The following CACNA1C variants were observed in gnomAD, a reference collection of about 807,000 sequenced individuals.
CACNA1C encodes the protein voltage-dependent L-type calcium channel subunit alpha-1C.
A neutral mutation model predicts 229.0 loss-of-function variants in CACNA1C; 30 were observed. The ratio of observed to expected loss-of-function variants is 0.13; its 90% CI spans 0.10 to 0.18. CACNA1C has a LOEUF of 0.18. Among genes scored for constraint, CACNA1C ranks in the 10% least tolerant of loss-of-function variants. The pLI is 1.00. For synonymous variants in CACNA1C, 1,114 were observed against 1,132.5 expected, an observed-to-expected ratio of 0.98 and a Z score of 0.33; for missense variants, 1,658 against 2,845.0, an observed-to-expected ratio of 0.58 and a Z score of 9.49.
chr12:2,275,350 A>G lies in CACNA1C; in HGVS notation c.477+154920A>G, dbSNP rs1361899450. Among the ~76,000 whole-genome samples the G allele has an allele frequency of 6.6e-6, 1 of 152,058 alleles. No individual in the cohort carries two copies. Among genetic ancestry groups the G allele is most frequent in the African/African-American group, 2.4e-5 (1 of 41,416 alleles). On this transcript the variant is annotated intron_variant, in intron 3 of 46. Coordinates refer to ENST00000399655, the MANE Select transcript of CACNA1C (RefSeq NM_000719.7). The surrounding 1 kb of genome is among the most constrained non-coding windows in gnomAD (Gnocchi z 4.1). ...TGTCTGTGGACCCCGACTCCTCACC[A>G]TCACCCAACAGGGGACAGTCCTGCT... is the stretch of plus-strand genomic sequence containing the variant.
intron 3 of CACNA1C, among the ~76,000 whole-genome samples, chr12:2,174,347 A>G (rs2096583812): frequency 6.6e-6 from 1 of 152,168 alleles, no homozygotes; most frequent in Admixed American, 6.5e-5. Context: ...ACCAGAATTG[A>G]TGGGGTGCTC....
chr12:2,163,011 C>T (rs957544225), intron 3 of CACNA1C, among the ~76,000 whole-genome samples: 4 of 151,958 alleles, frequency 2.6e-5, no homozygotes, highest in Non-Finnish European at 4.4e-5. Flanking sequence ...CCAGCCTGAC[C>T]AATATGGAGA....
At chr12:2,070,167 G>A (rs1238020277) in intron 1 of CACNA1C, among the ~76,000 whole-genome samples, 2 of 152,166 alleles carry the variant, frequency 1.3e-5, no homozygotes, top group Non-Finnish European at 2.9e-5. Context: ...CGAGCGGGAA[G>A]AGTATAAAAG....
At chr12:2,337,033 C>T (rs1328815363) in intron 3 of CACNA1C, among the ~76,000 whole-genome samples, 1 of 152,170 alleles carries the variant, frequency 6.6e-6, no homozygotes, top group African/African-American at 2.4e-5. Context: ...TCCAAACAAC[C>T]AATGCATATG....
intron 28 of CACNA1C, 123 bp from the exon 29 acceptor site, chr12:2,611,780 T>A (rs2077924752): frequency 4.8e-6 from 3 of 628,950 alleles, no homozygotes; most frequent in Admixed American, 5.0e-5. Flanking sequence ...GGCGGCCCTC[T>A]GGGGGTTTGG....
intron 3 of CACNA1C, among the ~76,000 whole-genome samples, chr12:2,204,967 AAAAC>A (rs1168989808): frequency 6.6e-6 from 1 of 151,950 alleles, no homozygotes; most frequent in East Asian, 1.9e-4. Context: ...AAAAAAAACA[AAAAC>A]AAAAAAAAAA....
chr12:2,193,428 C>T (rs2097302551), intron 3 of CACNA1C, among the ~76,000 whole-genome samples: 2 of 152,042 alleles, frequency 1.3e-5, no homozygotes, highest in Admixed American at 6.6e-5. Context: ...GAACTCCAGC[C>T]TGGGCAATCG....
chr12:2,471,342 G>A (rs1387738914), intron 5 of CACNA1C, among the ~76,000 whole-genome samples: 1 of 151,962 alleles, frequency 6.6e-6, no homozygotes, highest in Non-Finnish European at 1.5e-5. Context: ...TTAGTCAATT[G>A]TCTTTTAAGT....
chr12:2,551,392 C>G (rs572283623), intron 10 of CACNA1C, among the ~76,000 whole-genome samples: 1 of 152,264 alleles, frequency 6.6e-6, no homozygotes, highest in East Asian at 1.9e-4. Flanking sequence ...AGCACATGCT[C>G]TGCAGCCTGG....
intron 3 of CACNA1C, among the ~76,000 whole-genome samples, chr12:2,246,578 T>A (rs148239813): frequency 6.6e-6 from 1 of 152,086 alleles, no homozygotes; most frequent in Non-Finnish European, 1.5e-5. Flanking sequence ...ACCGTTGTTG[T>A]CCCCTTTGTA....
intron 1 of CACNA1C, among the ~76,000 whole-genome samples, chr12:2,039,418 A>G (rs763764884): frequency 6.6e-6 from 1 of 152,200 alleles, no homozygotes; most frequent in Non-Finnish European, 1.5e-5. Flanking sequence ...CACCATTAGC[A>G]ATATATTTTT....
At chr12:2,135,664 T>C (rs1185481348) in intron 3 of CACNA1C, among the ~76,000 whole-genome samples, 1 of 143,744 alleles carries the variant, frequency 7.0e-6, no homozygotes, top group African/African-American at 2.8e-5. Context: ...GTCTGCCCGT[T>C]CTCAGATCTC....
intron 3 of CACNA1C, among the ~76,000 whole-genome samples, chr12:2,252,029 G>A (rs909147040): frequency 6.6e-6 from 1 of 152,246 alleles, no homozygotes; most frequent in Non-Finnish European, 1.5e-5. Context: ...CATGGTGGAT[G>A]GAGTTTGTTT....
chr12:2,043,810 T>TC (rs2050601951), intron 1 of CACNA1C, among the ~76,000 whole-genome samples: 2 of 117,584 alleles, frequency 1.7e-5, no homozygotes, highest in Non-Finnish European at 3.7e-5. Context: ...CGCCCGCCAT[T>TC]GCGCCCGGCT....
intron 3 of CACNA1C, among the ~76,000 whole-genome samples, chr12:2,298,439 C>T (rs1324214615): frequency 6.6e-6 from 1 of 152,160 alleles, no homozygotes; most frequent in African/African-American, 2.4e-5. Context: ...GCTGGGATTA[C>T]AGGCACGCAC....
intron 3 of CACNA1C, among the ~76,000 whole-genome samples, chr12:2,439,392 C>G (rs2099193038): frequency 6.6e-6 from 1 of 152,230 alleles, no homozygotes. Flanking sequence ...AAGGAGGCCA[C>G]TGGGGTGTGC....
chr12:2,448,906 C>G, intron 3 of CACNA1C, 70 bp from the exon 4 acceptor site: 1 of 1,332,462 alleles, frequency 7.5e-7, no homozygotes, highest in Admixed American at 2.0e-5. Flanking sequence ...GTGAGATCTA[C>G]TGGTTCCAAA....
At chr12:2,204,676 A>C (rs967685934) in intron 3 of CACNA1C, among the ~76,000 whole-genome samples, 2 of 150,532 alleles carry the variant, frequency 1.3e-5, no homozygotes, top group African/African-American at 4.9e-5. Flanking sequence ...CATCATTCTC[A>C]GTAAACTATC....
intron 1 of CACNA1C, among the ~76,000 whole-genome samples, chr12:1,995,512 C>T (rs1023627478): frequency 1.3e-5 from 2 of 152,254 alleles, no homozygotes; most frequent in Non-Finnish European, 2.9e-5. Context: ...CTCCACTGCT[C>T]TTCTGAGACT....
Sources: gnomAD v4.1 joint callset for allele counts (sites outside exome capture counted in the v4.1 genomes callset) on GRCh38, gnomAD v4.1.1 for gene constraint, Gnocchi (gnomAD v3.1) non-coding constraint, MANE v1.5 for transcripts, NCBI Gene and HGNC (gene_info 2026-07-23, HGNC 2026-07-21) for gene names.